PLEKHM3: variants seen among roughly 807,000 people sequenced by gnomAD.
The protein encoded by PLEKHM3 is pleckstrin homology domain-containing family M member 3.
In PLEKHM3, 45 loss-of-function variants were observed where a neutral mutation model predicts 81.8. The ratio of observed to expected loss-of-function variants is 0.55; its 90% CI spans 0.43 to 0.71. The LOEUF is 0.71. PLEKHM3 is among the 30% of genes least tolerant of loss of function. The pLI is 0.00. For missense variants in PLEKHM3, 788 were observed against 924.3 expected, an observed-to-expected ratio of 0.85 and a Z score of 1.91; for synonymous variants, 352 against 356.4, an observed-to-expected ratio of 0.99 and a Z score of 0.14.
At chr2:207,863,090 GAA>G (rs1042159257) in intron 6 of PLEKHM3, among the ~76,000 whole-genome samples, 3 of 152,196 alleles carry the variant, frequency 2.0e-5, no homozygotes, top group Non-Finnish European at 2.9e-5. Flanking sequence ...TCCTTCAATT[GAA>G]AGTCCCTCCC....
At position 207,821,941 on chromosome 2, in the gene PLEKHM3, T is replaced by C. The variant is rs1157184579; in HGVS notation, c.*6378A>G. Reference sequence around the variant, plus strand: ...ATTCCTAAGAAACAGATTTAAAATATATATCTTCTAGGGTAGGCTAGTAGC... The same window carrying C: ...ATTCCTAAGAAACAGATTTAAAATACATATCTTCTAGGGTAGGCTAGTAGC... On this transcript the variant is annotated 3_prime_UTR_variant, in exon 8 of 8. Coordinates refer to ENST00000427836, the MANE Select transcript of PLEKHM3 (RefSeq NM_001080475.3). The C allele has an allele frequency of 6.6e-6, 1 of 152,168 alleles. No homozygotes were observed. Among genetic ancestry groups the C allele is most frequent in the Non-Finnish European group, 1.5e-5 (1 of 68,040 alleles). The allele number at this position is 152,168 out of a possible 1,614,324, so 9.4% of individuals were successfully genotyped here. A position where few individuals can be genotyped will look rare whatever the true frequency, so the allele number is the denominator to read the frequency against.
chr2:207,951,864 T>C (rs921119131), intron 3 of PLEKHM3, among the ~76,000 whole-genome samples: 1 of 152,208 alleles, frequency 6.6e-6, no homozygotes, highest in Non-Finnish European at 1.5e-5. Context: ...ACTTTACGAC[T>C]ATTACCTTCA....
chr2:207,971,493 T>C (rs1470208620), intron 3 of PLEKHM3, among the ~76,000 whole-genome samples: 1 of 152,062 alleles, frequency 6.6e-6, no homozygotes, highest in Non-Finnish European at 1.5e-5. Flanking sequence ...CTGATCACTA[T>C]ACATATGTAT....
intron 4 of PLEKHM3, among the ~76,000 whole-genome samples, chr2:207,940,174 C>T (rs1689892276): frequency 6.6e-6 from 1 of 152,098 alleles, no homozygotes; most frequent in African/African-American, 2.4e-5. Flanking sequence ...AGAGAGCTCA[C>T]CTTTATAGAG....
At chr2:207,877,301 T>A (rs1464689417) in intron 6 of PLEKHM3, among the ~76,000 whole-genome samples, 1 of 152,182 alleles carries the variant, frequency 6.6e-6, no homozygotes, top group Non-Finnish European at 1.5e-5. Flanking sequence ...GCCCCTAATG[T>A]CCTTCTCTGC....
intron 2 of PLEKHM3, among the ~76,000 whole-genome samples, chr2:207,980,773 A>C (rs143184614): frequency 0.01 from 1,592 of 152,094 alleles, 17 homozygotes; most frequent in Middle Eastern, 0.058. Flanking sequence ...GTTTCACCAT[A>C]TTGCCAAGGC....
chr2:207,976,994 T>C lies in PLEKHM3; in HGVS notation c.1203A>G (p.Pro401=), dbSNP rs1440853660. Residue 401 remains proline (P), a synonymous_variant, in exon 3 of 8, where the codon CCA becomes CCG. Transcript: ENST00000427836. The surrounding 1 kb of genome is among the most constrained non-coding windows in gnomAD (Gnocchi z 4.1). The part of the protein sequence containing the change: ...AFQPGKLDED[P]LLSYNVDVCL... ...ACACGTCCACGTTGTAGCTCAACAG[T>C]GGATCCTCGTCTAGCTTGCCAGGCT... 2 of 1,614,108 alleles carry C rather than the reference T, an allele frequency of 1.2e-6. No individual in the cohort carries two copies. The highest frequency in any genetic ancestry group is 1.1e-5 in the South Asian group (1 of 91,090).
intron 6 of PLEKHM3, among the ~76,000 whole-genome samples, chr2:207,890,440 C>T (rs1179413228): frequency 6.6e-6 from 1 of 152,058 alleles, no homozygotes; most frequent in East Asian, 1.9e-4. Context: ...CCAGCCTGGC[C>T]AACATGGTGA....
chr2:207,958,302 C>T (rs1015859048), intron 3 of PLEKHM3, among the ~76,000 whole-genome samples: 41 of 152,022 alleles, frequency 2.7e-4, no homozygotes, highest in African/African-American at 9.9e-4. Flanking sequence ...CTTTTCTTCA[C>T]AAATTAATCT....
chr2:207,982,860 G>T (rs188867240), intron 2 of PLEKHM3, among the ~76,000 whole-genome samples: 24 of 152,090 alleles, frequency 1.6e-4, no homozygotes, highest in Admixed American at 1.3e-3. Flanking sequence ...TTACAGGCAT[G>T]AGCCACCGCG....
At chr2:207,859,124 TTTTTTC>T (rs983315388) in intron 7 of PLEKHM3, among the ~76,000 whole-genome samples, 3 of 141,412 alleles carry the variant, frequency 2.1e-5, no homozygotes, top group African/African-American at 7.9e-5. Context: ...TATCAGTACG[TTTTTTC>T]TTTTTCTTTT....
intron 4 of PLEKHM3, among the ~76,000 whole-genome samples, chr2:207,936,554 C>T (rs913683911): frequency 2.0e-5 from 3 of 152,106 alleles, no homozygotes; most frequent in African/African-American, 7.2e-5. Flanking sequence ...ATGGATACAA[C>T]ATAAATGACA....
intron 4 of PLEKHM3, among the ~76,000 whole-genome samples, chr2:207,944,880 AAAC>A (rs368751038): frequency 1.3e-5 from 2 of 152,302 alleles, no homozygotes; most frequent in Admixed American, 6.5e-5. Flanking sequence ...TTTTCCATTA[AAAC>A]AACAACAACA....
chr2:207,833,153 G>A lies in PLEKHM3; in HGVS notation c.2109-4657C>T, dbSNP rs1231364271. Among the ~76,000 whole-genome samples, 6 of 149,588 alleles carry A rather than the reference G, an allele frequency of 4.0e-5. No homozygotes were observed. In the East Asian group the frequency reaches 1.2e-3, roughly 29 times the overall value. ...AAAAAAGATTCATTGGCCCCCCTGA[G>A]TACTCACTGAGTTTCTTGACTGTAT... On this transcript the variant is annotated intron_variant, in intron 7 of 7. Coordinates refer to ENST00000427836, the MANE Select transcript of PLEKHM3 (RefSeq NM_001080475.3).
At position 208,025,510 on chromosome 2, in the gene PLEKHM3, C is replaced by G. The variant is rs1441631684; in HGVS notation, c.-440G>C. 1.3e-5 allele frequency: 2 copies of G among 152,364 alleles called. No homozygotes were observed. The highest frequency in any genetic ancestry group is 2.9e-5 in the Non-Finnish European group (2 of 68,170). The allele number at this position is 152,364 out of a possible 1,614,324, so 9.4% of individuals were successfully genotyped here. ...CAGCCCGCCCGGGCGCTGACCATCC[C>G]GGCCCGGCTCTGTTTACAAGCGGCT... is the stretch of plus-strand genomic sequence containing the variant. On this transcript the variant is annotated 5_prime_UTR_variant, in exon 1 of 8. Coordinates refer to ENST00000427836, the MANE Select transcript of PLEKHM3 (RefSeq NM_001080475.3).
chr2:207,884,616 TA>T (rs974620479), intron 6 of PLEKHM3, among the ~76,000 whole-genome samples: 2 of 152,218 alleles, frequency 1.3e-5, no homozygotes, highest in African/African-American at 2.4e-5. Flanking sequence ...TCCAAATAAG[TA>T]AAAAAGGTAG....
chr2:207,862,137 C>T (rs2092470738), intron 6 of PLEKHM3, among the ~76,000 whole-genome samples: 1 of 152,156 alleles, frequency 6.6e-6, no homozygotes, highest in Non-Finnish European at 1.5e-5. Flanking sequence ...AACTAATACC[C>T]ATGGGCTTCA....
intron 5 of PLEKHM3, among the ~76,000 whole-genome samples, chr2:207,917,534 A>C (rs1023324488): frequency 6.6e-6 from 1 of 152,076 alleles, no homozygotes. Flanking sequence ...GTCTGTGTAG[A>C]TTGTGCTTTA....
intron 6 of PLEKHM3, among the ~76,000 whole-genome samples, chr2:207,878,863 A>G (rs1272074940): frequency 6.6e-6 from 1 of 151,608 alleles, no homozygotes; most frequent in Non-Finnish European, 1.5e-5. Context: ...TTTTTTATTG[A>G]AAAGCCCCGG....
Sources: gnomAD v4.1 joint callset for allele counts (sites outside exome capture counted in the v4.1 genomes callset) on GRCh38, gnomAD v4.1.1 for gene constraint, Gnocchi (gnomAD v3.1) non-coding constraint, MANE v1.5 for transcripts, NCBI Gene and HGNC (gene_info 2026-07-23, HGNC 2026-07-21) for gene names.